STAG2: variants seen among roughly 807,000 people sequenced by gnomAD.
The protein encoded by STAG2 is cohesin subunit SA-2.
A neutral mutation model predicts 108.1 loss-of-function variants in STAG2; 14 were observed. The observed-to-expected ratio is 0.13, with a 90% CI of 0.09 to 0.20. The LOEUF (loss-of-function observed/expected upper bound fraction) is 0.20. STAG2 is among the 10% of genes least tolerant of loss of function. The pLI, the probability that STAG2 is intolerant of heterozygous loss-of-function variation, is 1.00. For synonymous variants in STAG2, 307 were observed against 302.7 expected (o/e 1.01, Z -0.15); for missense variants, 440 against 940.9 (o/e 0.47, Z 6.96).
chrX:124,052,992 T>C (rs2058087898), intron 13 of STAG2, among the ~76,000 whole-genome samples: 1 of 110,509 alleles, frequency 9.0e-6, no homozygotes, highest in African/African-American at 3.3e-5. Context: ...AATTTTTGTA[T>C]TTTTAGTAGA....
At chrX:124,064,191 C>A in intron 20 of STAG2, 140 bp downstream of exon 20, 1 of 452,118 alleles carries the variant, frequency 2.2e-6, no homozygotes, top group Non-Finnish European at 3.7e-6. Flanking sequence ...CATTCTATGA[C>A]TCATCAGGCT....
chrX:124,075,406 T>A (rs2058774673), intron 25 of STAG2, among the ~76,000 whole-genome samples: 1 of 110,926 alleles, frequency 9.0e-6, no homozygotes, highest in South Asian at 3.8e-4. Context: ...CCCAACTAGG[T>A]GGGAGTATAG....
intron 34 of STAG2, among the ~76,000 whole-genome samples, chrX:124,099,303 TC>T (rs2059455276): frequency 8.9e-6 from 1 of 112,025 alleles, no homozygotes; most frequent in African/African-American, 3.2e-5. Flanking sequence ...TTTTGTACTT[TC>T]ATTCATCATC....
At chrX:123,977,124 G>A (rs931029985) in intron 1 of STAG2, among the ~76,000 whole-genome samples, 1 of 111,804 alleles carries the variant, frequency 8.9e-6, no homozygotes, top group Non-Finnish European at 1.9e-5. Flanking sequence ...AAGGCTTAGC[G>A]GCAGGGAGAT....
intron 1 of STAG2, among the ~76,000 whole-genome samples, chrX:123,969,857 G>C (rs924425936): frequency 9.2e-6 from 1 of 108,599 alleles, no homozygotes; most frequent in Admixed American, 9.9e-5. Flanking sequence ...ATGTTGGCCA[G>C]GCTGGTCTCG....
At chrX:123,968,063 G>T (rs907415789) in intron 1 of STAG2, among the ~76,000 whole-genome samples, 6 of 110,173 alleles carry the variant, frequency 5.4e-5, no homozygotes, top group Non-Finnish European at 1.1e-4. Context: ...ACCATACCCG[G>T]CTAATCTTTG....
chrX:123,985,252 C>G (rs2055111767), intron 1 of STAG2, among the ~76,000 whole-genome samples: 1 of 110,248 alleles, frequency 9.1e-6, no homozygotes, highest in African/African-American at 3.3e-5. Context: ...TTTTTTGAAA[C>G]AAGGTCTCAC....
At chrX:124,032,608 C>T (rs2057381884) in intron 5 of STAG2, among the ~76,000 whole-genome samples, 2 of 110,689 alleles carry the variant, frequency 1.8e-5, no homozygotes, top group South Asian at 3.9e-4. Context: ...CCCAGTAGTC[C>T]GCAGTGTCTA....
Position 123,984,018 on chromosome X carries a change from G to T in STAG2, c.-163+22162G>T, listed in dbSNP as rs184041081. 7.0e-5 allele frequency among the ~76,000 whole-genome samples: 5 copies of T among 71,042 alleles called. No individual in the cohort carries two copies. In the East Asian group the frequency reaches 1.8e-3, roughly 26 times the overall value. The allele number at this position is 71,042 out of a possible 115,157, so 61.7% of individuals were successfully genotyped here. On this transcript the variant is annotated intron_variant, in intron 1 of 34. Transcript: ENST00000371145. ...TTTGAGACGGGGTTTCGCTCTTGTT[G>T]CCCAGGCTGGAGTACAATGGCGCGA...
chrX:124,096,640 AT>A (rs2059385714), intron 34 of STAG2, among the ~76,000 whole-genome samples: 1 of 111,675 alleles, frequency 9.0e-6, no homozygotes, highest in Admixed American at 9.5e-5. Context: ...CACAATAGAT[AT>A]TTAGTTTTGT....
chrX:124,071,334 TGCCATC>T lies in STAG2; in HGVS notation c.2533+12_2533+17del. On this transcript the variant is annotated intron_variant, in intron 25 of 34. Transcript: ENST00000371145. ...ATAATAATAGTGCAGGTAATTTTAT[TGCCATC>T]TTTTTATTAAATCTGTGTCCACCAT... 8.8e-7 allele frequency: 1 copy of T among 1,139,801 alleles called. No individual in the cohort carries two copies. The allele number at this position is 1,139,801 out of a possible 1,213,427, so 93.9% of individuals were successfully genotyped here.
chrX:124,050,970 A>G (rs1444245351), intron 11 of STAG2, 151 bp from the exon 12 acceptor site: 1 of 391,746 alleles, frequency 2.6e-6, no homozygotes, highest in Non-Finnish European at 4.4e-6. Context: ...CTATTTTTGC[A>G]TTATCAAACA....
chrX:124,074,745 C>T (rs548374323), intron 25 of STAG2, among the ~76,000 whole-genome samples: 1 of 111,893 alleles, frequency 8.9e-6, no homozygotes, highest in South Asian at 3.7e-4. Flanking sequence ...TACTTCTCTA[C>T]ATTCCTTAAC....
rs768613654 is a variant in STAG2, at chrX:123,978,554, T to C, written c.-163+16698T>C. On this transcript the variant is annotated intron_variant, in intron 1 of 34. Transcript: ENST00000371145. The stretch of plus-strand genomic sequence containing the variant: ...TGTTTGTGCATCCTTATAGGAATTT[T>C]AGGAGATAGCAGAGGATTGGGCAAA... Among the ~76,000 whole-genome samples the C allele has an allele frequency of 4.5e-5, 5 of 111,626 alleles. No individual in the cohort carries two copies. In the East Asian group the frequency reaches 1.4e-3, roughly 31 times the overall value.
intron 30 of STAG2, among the ~76,000 whole-genome samples, chrX:124,088,532 A>G (rs1345536496): frequency 9.0e-6 from 1 of 110,662 alleles, no homozygotes; most frequent in East Asian, 2.8e-4. Context: ...TGTTTAATCT[A>G]TTATTAGAGT....
intron 1 of STAG2, among the ~76,000 whole-genome samples, chrX:123,967,228 AAG>A (rs2054137696): frequency 9.5e-6 from 1 of 105,395 alleles, no homozygotes; most frequent in African/African-American, 3.5e-5. Flanking sequence ...CTGCCGAAGA[AAG>A]AGAGGATGAA....
At position 124,009,433 on chromosome X, in the gene STAG2, AGGTAGGTAGG is replaced by A. The variant is rs1569501915; in HGVS notation, c.-162-11933_-162-11924del. 6.9e-3 allele frequency among the ~76,000 whole-genome samples: 675 copies of A among 97,343 alleles called. 10 individuals carry two copies. The highest frequency in any genetic ancestry group is 0.023 in the African/African-American group (626 of 26,961). 84.5% of individuals were successfully genotyped at this position (97,343 alleles called of 115,157 possible). On this transcript the variant is annotated intron_variant, in intron 1 of 34. Coordinates refer to ENST00000371145, the MANE Select transcript of STAG2 (RefSeq NM_001042750.2). ...TAGGTAGGTAGGTAGGTAGGTAGGTAGGTAGGTAGGTAGATAGATAGATAGATAGATAGAT... is the reference window on the plus strand; with the variant it reads ...TAGGTAGGTAGGTAGGTAGGTAGGTATAGATAGATAGATAGATAGATAGAT...
At chrX:124,047,328 AC>A in intron 8 of STAG2, 25 bp from the exon 9 acceptor site, 2 of 1,145,368 alleles carry the variant, frequency 1.7e-6, no homozygotes, top group Non-Finnish European at 2.3e-6. Flanking sequence ...GATTAGTTTC[AC>A]CATACTTTTA....
chrX:124,028,435 G>A (rs973708328), intron 4 of STAG2, among the ~76,000 whole-genome samples: 4 of 111,456 alleles, frequency 3.6e-5, no homozygotes, highest in African/African-American at 6.5e-5. Flanking sequence ...AGAATGGTGT[G>A]CAATTTAAAA....
Sources: allele counts gnomAD v4.1 joint callset (sites outside exome capture counted in the v4.1 genomes callset), GRCh38; gene constraint gnomAD v4.1.1; transcripts MANE v1.5; gene names NCBI Gene and HGNC (gene_info 2026-07-23, HGNC 2026-07-21).